Variants in MLPH observed in about 807,000 individuals in gnomAD.
MLPH encodes the protein exophilin-3.
In MLPH, 51 loss-of-function variants were observed where a neutral mutation model predicts 72.1. The ratio of observed to expected loss-of-function variants is 0.71; its 90% CI spans 0.56 to 0.89. MLPH has a LOEUF of 0.89. Ranked by LOEUF, MLPH falls within the 40% of genes least tolerant of loss-of-function variation. The probability of loss-of-function intolerance (pLI) is 0.00; values close to 1 mark genes in which losing one functional copy is unlikely to be tolerated. For missense variants in MLPH, 743 were observed against 759.9 expected (o/e 0.98, Z 0.26); for synonymous variants, 301 against 310.1 (o/e 0.97, Z 0.31).
At chr2:237,523,298 T>C (rs1032734508) in intron 6 of MLPH, among the ~76,000 whole-genome samples, 2 of 152,214 alleles carry the variant, frequency 1.3e-5, no homozygotes, top group Non-Finnish European at 2.9e-5. Flanking sequence ...GAACCTTTTT[T>C]GCAGGGGTTG....
At chr2:237,524,169 A>G (rs984803465) in intron 6 of MLPH, among the ~76,000 whole-genome samples, 6 of 151,826 alleles carry the variant, frequency 4.0e-5, no homozygotes, top group South Asian at 2.1e-4. Context: ...GGGAGCCGAA[A>G]TGCGATTATT....
At chr2:237,546,824 C>T (rs2080929663) in intron 13 of MLPH, 141 bp downstream of exon 13, 2 of 758,944 alleles carry the variant, frequency 2.6e-6, no homozygotes, top group Middle Eastern at 3.4e-4. Flanking sequence ...ACACAGCTGC[C>T]ACAACACCGT....
intron 2 of MLPH, among the ~76,000 whole-genome samples, chr2:237,506,323 G>A (rs1284338192): frequency 6.6e-6 from 1 of 152,198 alleles, no homozygotes; most frequent in Non-Finnish European, 1.5e-5. Flanking sequence ...AGTAAGGTGA[G>A]TGGTGTTGTT....
chr2:237,528,405 T>C lies in MLPH; in HGVS notation c.1020+889T>C, dbSNP rs571259830. Among the ~76,000 whole-genome samples the C allele has an allele frequency of 1.1e-3, 160 of 151,968 alleles. 1 individual carries two copies. Among genetic ancestry groups the C allele is most frequent in the African/African-American group, 3.5e-3 (143 of 41,416 alleles). ...TCCCTCTGTGGCCCAGGCTGGAGTG[T>C]AATGGCGCAATCTCGGCTCACTGCA... On this transcript the variant is annotated intron_variant, in intron 8 of 15. Coordinates refer to ENST00000264605, the MANE Select transcript of MLPH (RefSeq NM_024101.7).
intron 2 of MLPH, among the ~76,000 whole-genome samples, chr2:237,500,433 A>C (rs552637641): frequency 1.3e-5 from 2 of 152,302 alleles, no homozygotes; most frequent in East Asian, 3.9e-4. Flanking sequence ...CAACTGGGGA[A>C]AAAAAGTTTT....
At chr2:237,551,037 C>T (rs1240866439) in intron 14 of MLPH, among the ~76,000 whole-genome samples, 1 of 152,248 alleles carries the variant, frequency 6.6e-6, no homozygotes, top group Non-Finnish European at 1.5e-5. Flanking sequence ...AAGCTGAGGC[C>T]TGACCCTTCA....
intron 1 of MLPH, among the ~76,000 whole-genome samples, chr2:237,488,704 A>C (rs962443004): frequency 6.6e-6 from 1 of 152,206 alleles, no homozygotes; most frequent in Non-Finnish European, 1.5e-5. Context: ...GGTCTTACTG[A>C]GTACGACATG....
chr2:237,542,549 T>C lies in MLPH; in HGVS notation c.1447-18T>C. The C allele has an allele frequency of 5.1e-6, 8 of 1,576,920 alleles. No individual in the cohort carries two copies. The South Asian group carries it at 5.8e-5, about 11-fold the overall frequency. ...GAGCGTCTGTCTGACGGGCCTTCTG[T>C]CTGCTGTCCTCTCGCAGGTTTCAGA... On this transcript the variant is annotated intron_variant, in intron 11 of 15. Coordinates refer to ENST00000264605, the MANE Select transcript of MLPH (RefSeq NM_024101.7).
rs1340221014 is a variant in MLPH, at chr2:237,549,201, A to C, written c.1618-20A>C. 6 of 1,612,086 alleles carry C rather than the reference A, an allele frequency of 3.7e-6. No individual in the cohort carries two copies. Among genetic ancestry groups the C allele is most frequent in the Non-Finnish European group, 5.1e-6 (6 of 1,178,288 alleles). On this transcript the variant is annotated intron_variant, in intron 13 of 15. Transcript: ENST00000264605. ...AACGTCACAACTTGATGAAGCCTGG[A>C]GACACTCTGTTTCTTCTAGGCAATG...
At chr2:237,516,002 G>T (rs1204514192) in intron 4 of MLPH, among the ~76,000 whole-genome samples, 1 of 152,248 alleles carries the variant, frequency 6.6e-6, no homozygotes, top group East Asian at 1.9e-4. Flanking sequence ...GCCACCCTGG[G>T]CCCTGCACCC....
intron 4 of MLPH, among the ~76,000 whole-genome samples, chr2:237,515,195 C>T (rs1010184304): frequency 1.3e-5 from 2 of 152,158 alleles, no homozygotes; most frequent in East Asian, 1.9e-4. Context: ...GTGGACATCA[C>T]GGAGGAGGGT....
intron 2 of MLPH, among the ~76,000 whole-genome samples, chr2:237,501,128 G>A (rs1306996132): frequency 1.3e-5 from 2 of 152,106 alleles, no homozygotes; most frequent in African/African-American, 4.8e-5. Context: ...TGCCCAGTGA[G>A]TCATTTCCTT....
In MLPH at chr2:237,541,012, C is replaced by T; in HGVS notation, c.1446+55C>T. On this transcript the variant is annotated intron_variant, in intron 11 of 15. Transcript: ENST00000264605. The surrounding 1 kb of genome is among the most constrained non-coding windows in gnomAD (Gnocchi z 5.1). ...GTTCCACAAACACAGATGGTGACCA[C>T]ACCCAGGCCTTGAACATCTGCCAGC... 6.4e-7 allele frequency: 1 copy of T among 1,556,618 alleles called. No homozygotes were observed.
chr2:237,509,492 G>A (rs1361118938), intron 2 of MLPH, among the ~76,000 whole-genome samples: 1 of 152,232 alleles, frequency 6.6e-6, no homozygotes, highest in Non-Finnish European at 1.5e-5. Context: ...AATGGAGGGA[G>A]TGAGGCCCTT....
chr2:237,494,184 G>A (rs567220836), intron 2 of MLPH, among the ~76,000 whole-genome samples: 6 of 152,306 alleles, frequency 3.9e-5, no homozygotes, highest in South Asian at 2.1e-4. Flanking sequence ...CGGCGAAGGG[G>A]GGGGCAGAGA....
Position 237,534,654 on chromosome 2 carries a change from C to T in MLPH, c.1104+7C>T. On this transcript the variant is annotated splice_region_variant and intron_variant, in intron 9 of 15. Transcript: ENST00000264605. ...TGTGCCTCCCTTGGCCAAGGTAACA[C>T]TGGGGGCTGGGCAAAGAGAAAGGGC... is the stretch of plus-strand genomic sequence containing the variant. 6.2e-7 allele frequency: 1 copy of T among 1,612,370 alleles called. No homozygotes were observed. Among genetic ancestry groups the T allele is most frequent in the Non-Finnish European group, 8.5e-7 (1 of 1,178,542 alleles).
At chr2:237,511,184 G>A (rs2079893677) in intron 4 of MLPH, 83 bp downstream of exon 4, 2 of 972,530 alleles carry the variant, frequency 2.1e-6, no homozygotes. Context: ...GTGTGCATGT[G>A]TGTGTGTACG....
At position 237,546,684 on chromosome 2, in the gene MLPH, G is replaced by T; in HGVS notation, c.1617+1G>T. The T allele has an allele frequency of 5.0e-6, 8 of 1,613,624 alleles. No individual in the cohort carries two copies. Among genetic ancestry groups the T allele is most frequent in the Non-Finnish European group, 5.9e-6 (7 of 1,179,514 alleles). On this transcript the variant is annotated splice_donor_variant, in intron 13 of 15. Transcript: ENST00000264605. LOFTEE classifies it high-confidence loss of function. ...TGCAGACCCTTCAAGTGAGGCCAAG[G>T]TATGTGTTACTCCATTCAAGCCCCA...
chr2:237,545,535 AGCCGCCTGAATCATGTT>A, intron 12 of MLPH: 1 of 1,288,890 alleles, frequency 7.8e-7, no homozygotes, highest in South Asian at 1.2e-5. Flanking sequence ...ATCCAAAAGG[AGCCGCCTGAATCATGTT>A]GCCTCATGTG....
Sources: allele counts gnomAD v4.1 joint callset (sites outside exome capture counted in the v4.1 genomes callset), GRCh38; gene constraint gnomAD v4.1.1; non-coding constraint Gnocchi (gnomAD v3.1); transcripts MANE v1.5; gene names NCBI Gene and HGNC (gene_info 2026-07-23, HGNC 2026-07-21).